ULK4: variants seen among roughly 807,000 people sequenced by gnomAD.
The protein encoded by ULK4 is unc-51 like kinase 4.
Under a neutral mutation model 160.6 loss-of-function variants are expected in ULK4, and 133 were observed. That is an observed-to-expected ratio of 0.83 (90% CI 0.72 to 0.96). The LOEUF (loss-of-function observed/expected upper bound fraction) is 0.96, where lower values mean the gene tolerates loss of function less well. Ranked by LOEUF, ULK4 falls within the 40% of genes least tolerant of loss-of-function variation. The pLI is 0.00. For synonymous variants in ULK4, 534 were observed against 539.8 expected (o/e 0.99, Z 0.15); for missense variants, 1,580 against 1,499.5 (o/e 1.05, Z -0.89).
chr3:41,716,017 T>C (rs894978797), intron 23 of ULK4, among the ~76,000 whole-genome samples: 1 of 151,206 alleles, frequency 6.6e-6, no homozygotes, highest in African/African-American at 2.4e-5. Flanking sequence ...ATCGAGACCA[T>C]CCTGGCCAAA....
chr3:41,443,937 T>G (rs1426860416), intron 34 of ULK4, among the ~76,000 whole-genome samples: 3 of 152,090 alleles, frequency 2.0e-5, no homozygotes, highest in African/African-American at 7.2e-5. Flanking sequence ...GAATTGAATT[T>G]AATTAATTTC....
At chr3:41,555,199 C>T (rs946554603) in intron 32 of ULK4, among the ~76,000 whole-genome samples, 4 of 151,834 alleles carry the variant, frequency 2.6e-5, no homozygotes, top group Non-Finnish European at 5.9e-5. Flanking sequence ...CAAACACACA[C>T]ATTCTAGTAA....
chr3:41,556,189 A>G (rs1328939345), intron 32 of ULK4, among the ~76,000 whole-genome samples: 1 of 152,196 alleles, frequency 6.6e-6, no homozygotes, highest in East Asian at 1.9e-4. Flanking sequence ...AAGTTTTTAA[A>G]AAGCACAAAT....
At chr3:41,872,403 A>C (rs1434426510) in intron 17 of ULK4, among the ~76,000 whole-genome samples, 1 of 152,188 alleles carries the variant, frequency 6.6e-6, no homozygotes, top group Non-Finnish European at 1.5e-5. Flanking sequence ...CTCTGCTCTT[A>C]CTATGATTTT....
intron 32 of ULK4, among the ~76,000 whole-genome samples, chr3:41,501,658 A>G (rs2700441): frequency 0.83 from 126,260 of 152,024 alleles, 53,990 homozygotes; most frequent in Non-Finnish European, 0.94. Context: ...ACATTTTTGT[A>G]GCCAGAATAA....
At chr3:41,617,527 G>C (rs1265776112) in intron 30 of ULK4, among the ~76,000 whole-genome samples, 3 of 152,142 alleles carry the variant, frequency 2.0e-5, no homozygotes, top group Non-Finnish European at 2.9e-5. Context: ...GCAGAAGAGG[G>C]GCCTGACTGT....
intron 31 of ULK4, among the ~76,000 whole-genome samples, chr3:41,582,274 C>A (rs1189840978): frequency 1.3e-5 from 2 of 152,038 alleles, no homozygotes; most frequent in Non-Finnish European, 2.9e-5. Context: ...GTAAGACTTC[C>A]CCAGCCATGT....
intron 27 of ULK4, among the ~76,000 whole-genome samples, chr3:41,684,119 C>T (rs2036017161): frequency 1.3e-5 from 2 of 152,208 alleles, no homozygotes; most frequent in South Asian, 4.1e-4. Context: ...ATGACTTTCT[C>T]TTGTAATGCA....
At chr3:41,493,614 C>T (rs1163432131) in intron 32 of ULK4, among the ~76,000 whole-genome samples, 1 of 136,570 alleles carries the variant, frequency 7.3e-6, no homozygotes, top group Non-Finnish European at 1.6e-5. Flanking sequence ...CACAAAAAAC[C>T]CTTCAAAAAA....
intron 14 of ULK4, 59 bp from the exon 15 acceptor site, chr3:41,897,062 A>C (rs1294269851): frequency 6.9e-7 from 1 of 1,439,686 alleles, no homozygotes; most frequent in African/African-American, 1.4e-5. Context: ...TGCTGGAAAC[A>C]TTACATAAGA....
intron 35 of ULK4, among the ~76,000 whole-genome samples, chr3:41,358,282 T>TA (rs368036925): frequency 1.4e-3 from 207 of 152,316 alleles, no homozygotes; most frequent in African/African-American, 4.6e-3. Context: ...TTATAGGTGT[T>TA]AGGTATATAG....
intron 18 of ULK4, among the ~76,000 whole-genome samples, chr3:41,824,637 G>A (rs974644015): frequency 2.0e-5 from 3 of 152,190 alleles, no homozygotes; most frequent in South Asian, 4.2e-4. Context: ...TACCATTGCC[G>A]AGGCTTGAGT....
rs570559758 is a variant in ULK4 at position 41,321,578 on chromosome 3, A to C, written c.3679-72004T>G. On this transcript the variant is annotated intron_variant, in intron 35 of 36. Transcript: ENST00000301831. Reference sequence around the variant, plus strand: ...TCAGGCAGTTGTTAACTGTCTCTCTAAAACCATAACTGTTCTCAGCCAGAG... The same window carrying C: ...TCAGGCAGTTGTTAACTGTCTCTCTCAAACCATAACTGTTCTCAGCCAGAG... Among the ~76,000 whole-genome samples the C allele has an allele frequency of 2.0e-5, 3 of 152,124 alleles. No individual in the cohort carries two copies. The East Asian group carries it at 5.8e-4, about 30-fold the overall frequency.
chr3:41,355,929 A>G (rs76042323), intron 35 of ULK4, among the ~76,000 whole-genome samples: 1 of 152,198 alleles, frequency 6.6e-6, no homozygotes, highest in Admixed American at 6.5e-5. Flanking sequence ...CATCAAATTC[A>G]AAACAGAAAA....
intron 17 of ULK4, among the ~76,000 whole-genome samples, chr3:41,867,544 G>C (rs1042811903): frequency 6.6e-6 from 1 of 152,146 alleles, no homozygotes; most frequent in Non-Finnish European, 1.5e-5. Context: ...GATAATTTTT[G>C]TACTTTCAGT....
chr3:41,271,237 A>G (rs1297964351), intron 35 of ULK4, among the ~76,000 whole-genome samples: 1 of 152,142 alleles, frequency 6.6e-6, no homozygotes, highest in Non-Finnish European at 1.5e-5. Flanking sequence ...TCCACCTTGC[A>G]GGTACCCACT....
chr3:41,637,632 G>T (rs753229623), intron 30 of ULK4, among the ~76,000 whole-genome samples: 2 of 152,126 alleles, frequency 1.3e-5, no homozygotes, highest in Non-Finnish European at 2.9e-5. Flanking sequence ...TTCCATAATG[G>T]CTGTAACAAT....
At chr3:41,790,246 G>T (rs2040110595) in intron 20 of ULK4, among the ~76,000 whole-genome samples, 1 of 152,138 alleles carries the variant, frequency 6.6e-6, no homozygotes, top group African/African-American at 2.4e-5. Flanking sequence ...AATATCTGAA[G>T]ATTACCTCAA....
intron 32 of ULK4, among the ~76,000 whole-genome samples, chr3:41,560,676 G>C (rs1575415041): frequency 6.6e-6 from 1 of 152,120 alleles, no homozygotes; most frequent in Admixed American, 6.5e-5. Flanking sequence ...TCTGTTATTG[G>C]TGTATAGGAA....
Sources: allele counts gnomAD v4.1 joint callset (sites outside exome capture counted in the v4.1 genomes callset), GRCh38; gene constraint gnomAD v4.1.1; transcripts MANE v1.5; gene names NCBI Gene and HGNC (gene_info 2026-07-23, HGNC 2026-07-21).